Variants in LRRTM4 observed in about 807,000 individuals in gnomAD.
The protein encoded by LRRTM4 is leucine-rich repeat transmembrane neuronal protein 4.
A neutral mutation model predicts 47.6 loss-of-function variants in LRRTM4; 25 were observed. The ratio of observed to expected loss-of-function variants is 0.53; its 90% CI spans 0.38 to 0.73. LRRTM4 has a LOEUF of 0.73. Among genes scored for constraint, LRRTM4 ranks in the 30% least tolerant of loss-of-function variants. LRRTM4 has a pLI of 0.00. For missense variants in LRRTM4, 638 were observed against 713.4 expected (o/e 0.89, Z 1.20); for synonymous variants, 311 against 269.5 (o/e 1.15, Z -1.51).
At chr2:77,496,120 G>C (rs923037718) in intron 3 of LRRTM4, among the ~76,000 whole-genome samples, 4 of 151,792 alleles carry the variant, frequency 2.6e-5, no homozygotes, top group African/African-American at 9.7e-5. Context: ...TTTATACTAT[G>C]AATGGAATGT....
intron 3 of LRRTM4, among the ~76,000 whole-genome samples, chr2:77,328,204 G>A (rs1670849897): frequency 6.6e-6 from 1 of 152,162 alleles, no homozygotes; most frequent in Non-Finnish European, 1.5e-5. Flanking sequence ...CTGAGATTAA[G>A]TTAAATTTAA....
intron 3 of LRRTM4, among the ~76,000 whole-genome samples, chr2:77,018,890 A>T (rs1678168214): frequency 6.6e-6 from 1 of 152,124 alleles, no homozygotes; most frequent in South Asian, 2.1e-4. Context: ...TTTTAGTCTA[A>T]TTTTACAATG....
chr2:76,787,881 A>G (rs1470071650), intron 3 of LRRTM4, among the ~76,000 whole-genome samples: 1 of 152,150 alleles, frequency 6.6e-6, no homozygotes, highest in Non-Finnish European at 1.5e-5. Context: ...GACTTCTCTG[A>G]GCCAATTAGA....
chr2:76,816,965 G>C (rs957653954), intron 3 of LRRTM4, among the ~76,000 whole-genome samples: 11 of 151,088 alleles, frequency 7.3e-5, no homozygotes, highest in African/African-American at 2.4e-4. Context: ...AGTCTATAGA[G>C]TCAAAGATAC....
At chr2:76,973,270 C>T (rs746630623) in intron 3 of LRRTM4, among the ~76,000 whole-genome samples, 4 of 151,858 alleles carry the variant, frequency 2.6e-5, no homozygotes, top group East Asian at 1.9e-4. Context: ...CCAGGTCATG[C>T]TACAGGCAAT....
chr2:77,243,399 A>G (rs1389974145), intron 3 of LRRTM4, among the ~76,000 whole-genome samples: 4 of 146,074 alleles, frequency 2.7e-5, no homozygotes, highest in African/African-American at 5.2e-5. Flanking sequence ...AACGAGAGCG[A>G]AACTCCGTCT....
At chr2:76,769,896 T>C (rs1010909659) in intron 3 of LRRTM4, among the ~76,000 whole-genome samples, 9 of 152,226 alleles carry the variant, frequency 5.9e-5, no homozygotes, top group South Asian at 4.1e-4. Context: ...TTTTTCAGAA[T>C]GCTGAGAAGT....
chr2:77,263,031 C>CCATCCCAGT (rs1675960684), intron 3 of LRRTM4, among the ~76,000 whole-genome samples: 4 of 152,024 alleles, frequency 2.6e-5, no homozygotes, highest in African/African-American at 7.3e-5. Context: ...CAATTTTCAG[C>CCATCCCAGT]TCCATCCTCA....
chr2:77,465,676 G>A (rs963206692), intron 3 of LRRTM4, among the ~76,000 whole-genome samples: 5 of 152,016 alleles, frequency 3.3e-5, no homozygotes, highest in African/African-American at 1.2e-4. Flanking sequence ...CCTAAACTTG[G>A]TTCAAACTAA....
intron 3 of LRRTM4, among the ~76,000 whole-genome samples, chr2:77,504,823 A>C (rs1468385140): frequency 1.3e-5 from 2 of 151,478 alleles, no homozygotes; most frequent in African/African-American, 2.4e-5. Context: ...ATACATGCTA[A>C]ATTTTCAAAG....
At chr2:76,918,013 C>T (rs1674311965) in intron 3 of LRRTM4, among the ~76,000 whole-genome samples, 1 of 152,128 alleles carries the variant, frequency 6.6e-6, no homozygotes, top group African/African-American at 2.4e-5. Flanking sequence ...ATATGTCACC[C>T]TTCCCCTACT....
chr2:76,807,469 T>TAC (rs1553412701), intron 3 of LRRTM4, among the ~76,000 whole-genome samples: 78 of 69,886 alleles, frequency 1.1e-3, no homozygotes, highest in African/African-American at 3.8e-3. Context: ...CATATATATA[T>TAC]ACATATATAT....
chr2:77,072,195 A>G (rs551147391), intron 3 of LRRTM4, among the ~76,000 whole-genome samples: 20 of 152,262 alleles, frequency 1.3e-4, no homozygotes, highest in African/African-American at 4.8e-4. Context: ...ATTGAGAATA[A>G]TGACTCCAGT....
At chr2:77,162,349 C>T (rs1275948316) in intron 3 of LRRTM4, among the ~76,000 whole-genome samples, 3 of 152,186 alleles carry the variant, frequency 2.0e-5, no homozygotes, top group African/African-American at 4.8e-5. Flanking sequence ...GAGCCCAACA[C>T]AGCCCAAGGA....
At chr2:77,137,997 C>A (rs938348147) in intron 3 of LRRTM4, among the ~76,000 whole-genome samples, 1 of 152,034 alleles carries the variant, frequency 6.6e-6, no homozygotes, top group African/African-American at 2.4e-5. Context: ...GAACTACCAA[C>A]AGACTTAGAC....
chr2:77,008,629 G>A (rs1677750459), intron 3 of LRRTM4, among the ~76,000 whole-genome samples: 1 of 152,058 alleles, frequency 6.6e-6, no homozygotes, highest in Non-Finnish European at 1.5e-5. Flanking sequence ...CTGGATACCA[G>A]ACTATACTCT....
intron 3 of LRRTM4, among the ~76,000 whole-genome samples, chr2:76,940,088 T>C (rs1675084125): frequency 6.6e-6 from 1 of 152,164 alleles, no homozygotes; most frequent in Non-Finnish European, 1.5e-5. Context: ...TGTCCACTCC[T>C]CAAAGAGCTG....
intron 3 of LRRTM4, among the ~76,000 whole-genome samples, chr2:76,821,518 C>T (rs1005077696): frequency 4.0e-5 from 6 of 151,524 alleles, no homozygotes; most frequent in Middle Eastern, 3.2e-3. Flanking sequence ...CACTCCTGGG[C>T]GTAAAAATGT....
intron 3 of LRRTM4, among the ~76,000 whole-genome samples, chr2:76,795,341 G>GAGTTCTATATCAGTTCTATATATATC (rs79514485): frequency 6.6e-6 from 1 of 151,938 alleles, no homozygotes; most frequent in Non-Finnish European, 1.5e-5. Flanking sequence ...TCATGTCTGT[G>GAGTTCTATATCAGTTCTATATATATC]AGTTCTATAT....
Sources: gnomAD v4.1 joint callset for allele counts (sites outside exome capture counted in the v4.1 genomes callset) on GRCh38, gnomAD v4.1.1 for gene constraint, MANE v1.5 for transcripts, NCBI Gene and HGNC (gene_info 2026-07-23, HGNC 2026-07-21) for gene names.